Variants in WLS observed in about 807,000 individuals in gnomAD.
WLS encodes Wnt ligand secretion mediator, also known as protein wntless homolog.
Under a neutral mutation model 62.8 loss-of-function variants are expected in WLS, and 23 were observed. The ratio of observed to expected loss-of-function variants is 0.37; its 90% CI spans 0.26 to 0.52. The LOEUF (loss-of-function observed/expected upper bound fraction) is 0.52. Among genes scored for constraint, WLS ranks in the 20% least tolerant of loss-of-function variants. The probability of loss-of-function intolerance (pLI) is 0.92; values close to 1 mark genes in which losing one functional copy is unlikely to be tolerated. For synonymous variants in WLS, 246 were observed against 244.1 expected (o/e 1.01, Z -0.07); for missense variants, 615 against 697.3 (o/e 0.88, Z 1.33).
chr1:68,210,373 A>G (rs918231200), intron 1 of WLS, among the ~76,000 whole-genome samples: 2 of 152,240 alleles, frequency 1.3e-5, no homozygotes, highest in Admixed American at 6.5e-5. Context: ...GCTACTGTGT[A>G]ACTGAAGTGA....
chr1:68,125,053 T>C (rs1646409395), downstream of WLS, among the ~76,000 whole-genome samples: 1 of 152,160 alleles, frequency 6.6e-6, no homozygotes. Flanking sequence ...CTCGGCTATC[T>C]CCAGTGCAAG....
chr1:68,150,194 G>A lies in WLS; in HGVS notation c.966C>T (p.His322=), dbSNP rs775985806. Residue 322 remains histidine (H), a synonymous_variant, in exon 6 of 12, where the codon CAC becomes CAT. Coordinates refer to ENST00000262348, the MANE Select transcript of WLS (RefSeq NM_024911.7). ...LSFWIIFCGE[H]MMDQHERNHI... ...CCCTCCCGGCGGCTCTTACCATCAT[G>A]TGCTCGCCACAGAAGATGATCCAGA... is the stretch of plus-strand genomic sequence containing the variant. 3 of 1,614,098 alleles carry A rather than the reference G, an allele frequency of 1.9e-6. No individual in the cohort carries two copies. Among genetic ancestry groups the A allele is most frequent in the South Asian group, 2.2e-5 (2 of 91,060 alleles).
At chr1:68,146,065 G>C (rs1452205945) in intron 8 of WLS, 53 bp from the exon 9 acceptor site, 1 of 1,599,632 alleles carries the variant, frequency 6.3e-7, no homozygotes, top group East Asian at 2.2e-5. Flanking sequence ...AAGTTGAGCC[G>C]GGTCCAGGCC....
At position 68,143,999 on chromosome 1, in the gene WLS, A is replaced by G. The variant is rs1172747706; in HGVS notation, c.1362+570T>C. Among the ~76,000 whole-genome samples, 12 of 152,342 alleles carry G rather than the reference A, an allele frequency of 7.9e-5. No homozygotes were observed. The East Asian group carries it at 2.1e-3, about 27-fold the overall frequency. ...CCTCGTAGGATTTTTGTGATGCTCA[A>G]ATGAATAATAGATACATTAGATTTA... On this transcript the variant is annotated intron_variant, in intron 10 of 11. Coordinates refer to ENST00000262348, the MANE Select transcript of WLS (RefSeq NM_024911.7).
intron 11 of WLS, among the ~76,000 whole-genome samples, chr1:68,100,309 G>A (rs1646060563): frequency 6.6e-6 from 1 of 152,130 alleles, no homozygotes; most frequent in African/African-American, 2.4e-5. Context: ...GCCTGTGGAG[G>A]GGTGCAGAGA....
chr1:68,131,466 G>A (rs1423827342), intron 11 of WLS, among the ~76,000 whole-genome samples: 1 of 151,996 alleles, frequency 6.6e-6, no homozygotes, highest in Admixed American at 6.6e-5. Context: ...GGGCAGAGTG[G>A]CTTTGGTGGA....
chr1:68,226,711 T>C (rs572515753), intron 1 of WLS, among the ~76,000 whole-genome samples: 5 of 152,282 alleles, frequency 3.3e-5, no homozygotes, highest in Admixed American at 3.3e-4. Flanking sequence ...ACCAACCCCG[T>C]GTCGGCATGT....
intron 2 of WLS, among the ~76,000 whole-genome samples, chr1:68,167,137 T>A (rs887639187): frequency 2.6e-5 from 4 of 152,188 alleles, no homozygotes; most frequent in Non-Finnish European, 4.4e-5. Context: ...AGTTACTGCA[T>A]GAAAAATGCT....
chr1:68,225,978 G>A (rs1055823010), intron 1 of WLS, among the ~76,000 whole-genome samples: 3 of 152,184 alleles, frequency 2.0e-5, no homozygotes, highest in African/African-American at 7.2e-5. Flanking sequence ...CAATTATGGG[G>A]ACTGGTTAGA....
At chr1:68,228,039 A>G (rs1467827328) in intron 1 of WLS, among the ~76,000 whole-genome samples, 1 of 152,238 alleles carries the variant, frequency 6.6e-6, no homozygotes, top group Non-Finnish European at 1.5e-5. Flanking sequence ...CCTTGAAAGA[A>G]GTAGATAATC....
chr1:68,129,130 C>G (rs1646479754), intron 11 of WLS, among the ~76,000 whole-genome samples: 1 of 152,050 alleles, frequency 6.6e-6, no homozygotes. Context: ...TTTGAACCAG[C>G]CTGGTCAACA....
chr1:68,170,018 T>C (rs937463878), intron 2 of WLS, among the ~76,000 whole-genome samples: 4 of 152,190 alleles, frequency 2.6e-5, no homozygotes, highest in African/African-American at 9.7e-5. Context: ...AGTCACTAAA[T>C]GTCTCTATCT....
intron 11 of WLS, among the ~76,000 whole-genome samples, chr1:68,127,933 G>C (rs529847875): frequency 6.6e-6 from 1 of 152,230 alleles, no homozygotes; most frequent in South Asian, 2.1e-4. Flanking sequence ...CGCAGTATTA[G>C]TTTCTCATCG....
chr1:68,231,672 C>T, intron 1 of WLS: 1 of 454,564 alleles, frequency 2.2e-6, no homozygotes, highest in South Asian at 1.6e-5. Context: ...ACCCTCAGCC[C>T]CTAGCAAAGA....
At chr1:68,114,788 A>G (rs1646269743) in intron 11 of WLS, among the ~76,000 whole-genome samples, 1 of 152,222 alleles carries the variant, frequency 6.6e-6, no homozygotes, top group Non-Finnish European at 1.5e-5. Flanking sequence ...GCCAGTTATC[A>G]TACTATGGGC....
chr1:68,143,710 G>A (rs1238890938), intron 10 of WLS, among the ~76,000 whole-genome samples: 3 of 152,172 alleles, frequency 2.0e-5, no homozygotes, highest in Non-Finnish European at 2.9e-5. Context: ...ACTCTATGAT[G>A]TTCCCTTAAT....
intron 10 of WLS, among the ~76,000 whole-genome samples, chr1:68,139,370 T>C (rs1391833528): frequency 6.6e-6 from 1 of 152,154 alleles, no homozygotes; most frequent in Non-Finnish European, 1.5e-5. Context: ...ATAAAAACTA[T>C]ATTACTTAGA....
rs1648512044 is a variant in WLS, at chr1:68,193,969, A to T, written c.365T>A (p.Leu122Gln). ...GTACACTTAACTGATTTGGTTGTTT[A>T]GCTTGAAGGCAATGTCCAGCTGCAG... is the stretch of plus-strand genomic sequence containing the variant. ...FILQLDIAFK[L>Q]NNQIRENAEV... Residue 122 changes from leucine (L) to glutamine (Q), a missense_variant, in exon 2 of 12, where the codon CTA becomes CAA. By Grantham distance (113) the Leu-to-Gln change is moderately radical. Coordinates refer to ENST00000262348, the MANE Select transcript of WLS (RefSeq NM_024911.7). 6.2e-7 allele frequency: 1 copy of T among 1,613,786 alleles called. No homozygotes were observed. The highest frequency in any genetic ancestry group is 8.5e-7 in the Non-Finnish European group (1 of 1,179,818).
intron 2 of WLS, among the ~76,000 whole-genome samples, chr1:68,164,037 G>A (rs1257338647): frequency 2.0e-5 from 3 of 152,128 alleles, no homozygotes; most frequent in African/African-American, 2.4e-5. Context: ...CATGGAAGAA[G>A]GAATTTGAGG....
Sources: gnomAD v4.1 joint callset for allele counts (sites outside exome capture counted in the v4.1 genomes callset) on GRCh38, gnomAD v4.1.1 for gene constraint, MANE v1.5 for transcripts, NCBI Gene and HGNC (gene_info 2026-07-23, HGNC 2026-07-21) for gene names.